The following C4orf36 variants were observed in gnomAD, a reference collection of about 807,000 sequenced individuals.
C4orf36 encodes the protein chromosome 4 open reading frame 36, also known as uncharacterized protein C4orf36.
Under a neutral mutation model 12.2 loss-of-function variants are expected in C4orf36, and 11 were observed. That is an observed-to-expected ratio of 0.90 (90% CI 0.57 to 1.49). The LOEUF is 1.49. Ranked by LOEUF, C4orf36 falls within the 40% of genes most tolerant of loss-of-function variation. The pLI, the probability that C4orf36 is intolerant of heterozygous loss-of-function variation, is 0.00. For missense variants in C4orf36, 137 were observed against 133.9 expected (o/e 1.02, Z -0.11); for synonymous variants, 54 against 51.3 (o/e 1.05, Z -0.22).
At chr4:86,890,813 C>T (rs180799671) in intron 2 of C4orf36, among the ~76,000 whole-genome samples, 3 of 152,204 alleles carry the variant, frequency 2.0e-5, no homozygotes, top group Admixed American at 6.5e-5. Flanking sequence ...AGGCAATGTG[C>T]AAGTACTTCA....
chr4:86,876,443 G>A lies in C4orf36; in HGVS notation c.*3C>T. 6.2e-7 allele frequency: 1 copy of A among 1,613,492 alleles called. No individual in the cohort carries two copies. Among genetic ancestry groups the A allele is most frequent in the East Asian group, 2.2e-5 (1 of 44,868 alleles). On this transcript the variant is annotated splice_region_variant and 3_prime_UTR_variant, in exon 5 of 5. Transcript: ENST00000295898. ...TCTTCATCTACAATCCGCGCTTCAG[G>A]CTGCGCAAAGGAGAGGGGGAAAATA...
upstream of C4orf36, among the ~76,000 whole-genome samples, chr4:86,894,205 G>A (rs1414335996): frequency 6.6e-6 from 1 of 152,114 alleles, no homozygotes; most frequent in Admixed American, 6.6e-5. Flanking sequence ...TCTTTGGCCG[G>A]AATTTTTAAA....
chr4:86,876,522 T>C, intron 4 of C4orf36, 79 bp from the exon 5 acceptor site: 1 of 1,613,872 alleles, frequency 6.2e-7, no homozygotes, highest in Non-Finnish European at 8.5e-7. Context: ...ATTAGAAATG[T>C]CGGATTGTGT....
the C4orf36 span, chr4:86,935,891 C>T: frequency 6.6e-6 from 1 of 152,418 alleles, no homozygotes; most frequent in Admixed American, 6.5e-5. Context: ...GGTGTCCCAT[C>T]CTCTGTGGCC....
At chr4:86,912,942 TAATTTA>T in the C4orf36 span, among the ~76,000 whole-genome samples, 1 of 152,050 alleles carries the variant, frequency 6.6e-6, no homozygotes, top group Non-Finnish European at 1.5e-5. Context: ...ATTCAGTTTT[TAATTTA>T]ATTTTCCACT....
At chr4:86,898,847 C>T in the C4orf36 span, among the ~76,000 whole-genome samples, 1 of 152,054 alleles carries the variant, frequency 6.6e-6, no homozygotes, top group Non-Finnish European at 1.5e-5. Context: ...ATTTAAAATC[C>T]CATTCAACTG....
At chr4:86,895,045 C>T (rs1747558907), upstream of C4orf36, among the ~76,000 whole-genome samples, 1 of 152,174 alleles carries the variant, frequency 6.6e-6, no homozygotes. Context: ...GGCACGGTGG[C>T]TCATGCCTGT....
At chr4:86,916,481 C>T in the C4orf36 span, among the ~76,000 whole-genome samples, 1 of 151,962 alleles carries the variant, frequency 6.6e-6, no homozygotes, top group Non-Finnish European at 1.5e-5. Flanking sequence ...ACAACAGCTT[C>T]TCCTGAAGCT....
At chr4:86,929,233 C>T in the C4orf36 span, among the ~76,000 whole-genome samples, 1 of 152,194 alleles carries the variant, frequency 6.6e-6, no homozygotes, top group Non-Finnish European at 1.5e-5. Flanking sequence ...CGGGATCTCA[C>T]TAGGCTGAAA....
intron 4 of C4orf36, among the ~76,000 whole-genome samples, chr4:86,885,753 G>T (rs562901915): frequency 0.017 from 2,515 of 152,298 alleles, 78 homozygotes; most frequent in African/African-American, 0.058. Flanking sequence ...GGAGTGGGGA[G>T]AGAGGGCATC....
Position 86,891,293 on chromosome 4 carries a change from CAAAA to C in C4orf36, c.65+159_65+162del, listed in dbSNP as rs34250498. On this transcript the variant is annotated intron_variant, in intron 2 of 4. Coordinates refer to ENST00000295898, the MANE Select transcript of C4orf36 (RefSeq NM_144645.4). ...ATAATTAACTTATAAAAGCAGTTGC[CAAAA>C]AAAAAAAAAAAAAAAATCAGATCCC... Among the ~76,000 whole-genome samples the C allele has an allele frequency of 1.0e-4, 12 of 118,934 alleles. No individual in the cohort carries two copies. In the South Asian group the frequency reaches 1.1e-3, roughly 11 times the overall value. 78.0% of individuals were successfully genotyped at this position (118,934 alleles called of 152,430 possible). A position where few individuals can be genotyped will look rare whatever the true frequency, so the allele number is the denominator to read the frequency against.
At chr4:86,902,708 C>A in the C4orf36 span, among the ~76,000 whole-genome samples, 5 of 152,290 alleles carry the variant, frequency 3.3e-5, no homozygotes, top group East Asian at 9.6e-4. Context: ...TGCCAAGTAC[C>A]CTTTTCAAAA....
At chr4:86,887,712 C>T (rs112216601) in intron 4 of C4orf36, 46 bp downstream of exon 4, 1 of 1,610,338 alleles carries the variant, frequency 6.2e-7, no homozygotes. Flanking sequence ...GACCTTCATG[C>T]CCTTTGGATG....
In C4orf36 at chr4:86,876,326, G is replaced by T; in HGVS notation, c.*120C>A. On this transcript the variant is annotated 3_prime_UTR_variant, in exon 5 of 5. Coordinates refer to ENST00000295898, the MANE Select transcript of C4orf36 (RefSeq NM_144645.4). ...TGGGAGGCTTCCTGAGGTGGGGGCC[G>T]GGCCAGGATGGCTGCAGCGCAGCGA... 6.7e-7 allele frequency: 1 copy of T among 1,494,894 alleles called. No homozygotes were observed. 92.6% of individuals were successfully genotyped at this position (1,494,894 alleles called of 1,614,324 possible).
the C4orf36 span, chr4:86,914,423 C>G: frequency 6.4e-6 from 4 of 624,554 alleles, no homozygotes; most frequent in African/African-American, 1.1e-4. Context: ...TTTTTTGAGA[C>G]AGAGTCTGGC....
intron 4 of C4orf36, among the ~76,000 whole-genome samples, chr4:86,885,777 A>C (rs922783923): frequency 2.6e-5 from 4 of 152,184 alleles, no homozygotes; most frequent in African/African-American, 9.7e-5. Flanking sequence ...GTCTTGTGCC[A>C]GTTTTCAAAG....
the C4orf36 span, chr4:86,913,677 T>C: frequency 6.2e-7 from 1 of 1,603,756 alleles, no homozygotes; most frequent in Non-Finnish European, 8.5e-7. Flanking sequence ...CATGGTGCTG[T>C]TGTGGCTGAC....
chr4:86,924,185 C>T, the C4orf36 span, among the ~76,000 whole-genome samples: 3 of 152,030 alleles, frequency 2.0e-5, no homozygotes, highest in Non-Finnish European at 1.5e-5. Flanking sequence ...TGACCATAGG[C>T]GCATGCCACC....
chr4:86,905,331 C>T, the C4orf36 span, among the ~76,000 whole-genome samples: 4 of 151,654 alleles, frequency 2.6e-5, no homozygotes, highest in Non-Finnish European at 4.4e-5. Context: ...TGCAGTGAGC[C>T]GAGATCACAC....
Sources: allele counts gnomAD v4.1 joint callset (sites outside exome capture counted in the v4.1 genomes callset), GRCh38; gene constraint gnomAD v4.1.1; transcripts MANE v1.5; gene names NCBI Gene and HGNC (gene_info 2026-07-23, HGNC 2026-07-21).